The following WWC2 variants were observed in gnomAD, a reference collection of about 807,000 sequenced individuals.
WWC2 encodes WW and C2 domain containing 2.
Under a neutral mutation model 138.5 loss-of-function variants are expected in WWC2, and 101 were observed. The ratio of observed to expected loss-of-function variants is 0.73; its 90% confidence interval spans 0.62 to 0.86. The LOEUF is 0.86. Ranked by LOEUF, WWC2 falls within the 40% of genes least tolerant of loss-of-function variation. WWC2 has a pLI of 0.00. For synonymous variants in WWC2, 558 were observed against 538.4 expected (o/e 1.04, Z -0.50); for missense variants, 1,420 against 1,419.4 (o/e 1.00, Z -0.01).
At position 183,260,967 on chromosome 4, in the gene WWC2, G is replaced by A. The variant is rs976929394; in HGVS notation, c.1344G>A (p.Ser448=). Reference sequence around the variant, plus strand: ...GGAGCAGCCTGGGTTCCCTGGCATCGAGTCGGGGCTCTCTGAACACCTCCA... The same window carrying A: ...GGAGCAGCCTGGGTTCCCTGGCATCAAGTCGGGGCTCTCTGAACACCTCCA... ...SSGSSLGSLA[S]SRGSLNTSSR... Residue 448 remains serine, a synonymous_variant, in exon 11 of 23, where the codon TCG becomes TCA. Transcript: ENST00000403733. 2.5e-6 allele frequency: 4 copies of A among 1,613,902 alleles called. No homozygotes were observed. Among genetic ancestry groups the A allele is most frequent in the African/African-American group, 1.3e-5 (1 of 75,048 alleles).
In WWC2 at chr4:183,316,567, G is replaced by A. The variant is rs2041457006; in HGVS notation, c.*838G>A. ...AAAAGTGAGTTTCTGGCTTGCACTA[G>A]TGTTTTGCCCTAAATCTAAGGATGG... On this transcript the variant is annotated 3_prime_UTR_variant, in exon 23 of 23. Coordinates refer to ENST00000403733, the MANE Select transcript of WWC2 (RefSeq NM_024949.6). 6.6e-6 allele frequency: 1 copy of A among 152,224 alleles called. No homozygotes were observed. 9.4% of individuals were successfully genotyped at this position (152,224 alleles called of 1,614,324 possible).
chr4:183,161,653 T>C (rs1044943199), intron 1 of WWC2, among the ~76,000 whole-genome samples: 5 of 152,198 alleles, frequency 3.3e-5, no homozygotes, highest in African/African-American at 7.2e-5. Flanking sequence ...ACCTTTTCTA[T>C]GTTTAGCTAC....
At chr4:183,189,835 G>A (rs1263721264) in intron 1 of WWC2, among the ~76,000 whole-genome samples, 2 of 152,080 alleles carry the variant, frequency 1.3e-5, no homozygotes, top group African/African-American at 2.4e-5. Context: ...ACAAACTCAG[G>A]TTTTTTTGGA....
rs1478993668 is a variant in WWC2, at chr4:183,319,564, T to A, written c.*3835T>A. On this transcript the variant is annotated 3_prime_UTR_variant, in exon 23 of 23. Coordinates refer to ENST00000403733, the MANE Select transcript of WWC2 (RefSeq NM_024949.6). The stretch of plus-strand genomic sequence containing the variant: ...CGCTTGTCCTTTCTGGCTTAGTGTT[T>A]CAGGTTGGTGTTTCTCGTCTCCAGT... 1 of 1,609,938 alleles carries A rather than the reference T, an allele frequency of 6.2e-7. No individual in the cohort carries two copies. The highest frequency in any genetic ancestry group is 2.2e-5 in the East Asian group (1 of 44,870).
At position 183,297,835 on chromosome 4, in the gene WWC2, G is replaced by C. The variant is rs151315979; in HGVS notation, c.3384+8200G>C. 3.0e-3 allele frequency among the ~76,000 whole-genome samples: 452 copies of C among 152,336 alleles called. 1 individual carries two copies. Among genetic ancestry groups the C allele is most frequent in the Non-Finnish European group, 4.3e-3 (295 of 68,028 alleles). On this transcript the variant is annotated intron_variant, in intron 21 of 22. Coordinates refer to ENST00000403733, the MANE Select transcript of WWC2 (RefSeq NM_024949.6). The stretch of plus-strand genomic sequence containing the variant: ...TGCTCCCTTGGGACCAGCACCCAAA[G>C]GCCATGCTAACCACATCTCACAGTC...
At chr4:183,175,715 A>G (rs1424463920) in intron 1 of WWC2, among the ~76,000 whole-genome samples, 2 of 152,192 alleles carry the variant, frequency 1.3e-5, no homozygotes, top group African/African-American at 2.4e-5. Context: ...TTAATCTTGA[A>G]CAGAGCTAGC....
intron 1 of WWC2, among the ~76,000 whole-genome samples, chr4:183,178,377 C>CAAATAAATAAATAAAT (rs10690640): frequency 3.3e-4 from 44 of 134,602 alleles, no homozygotes; most frequent in East Asian, 8.8e-4. Context: ...CCTGTTTCTA[C>CAAATAAATAAATAAAT]AAATAAATAA....
chr4:183,148,728 A>G (rs1379030922), intron 1 of WWC2, among the ~76,000 whole-genome samples: 3 of 152,186 alleles, frequency 2.0e-5, no homozygotes, highest in African/African-American at 4.8e-5. Context: ...TCCTTGCAGC[A>G]AGGACTTTCC....
At chr4:183,240,411 A>T in intron 5 of WWC2, 149 bp downstream of exon 5, 1 of 540,312 alleles carries the variant, frequency 1.9e-6, no homozygotes. Flanking sequence ...AAAATAAAGC[A>T]ATCAACCAAC....
intron 4 of WWC2, among the ~76,000 whole-genome samples, chr4:183,232,553 C>G (rs1025953661): frequency 1.3e-5 from 2 of 152,156 alleles, no homozygotes; most frequent in African/African-American, 2.4e-5. Flanking sequence ...TGGCTTCTTT[C>G]ACTTGGCATG....
At chr4:183,282,649 T>G in intron 17 of WWC2, 59 bp from the exon 18 acceptor site, 1 of 1,485,426 alleles carries the variant, frequency 6.7e-7, no homozygotes, top group Non-Finnish European at 9.2e-7. Flanking sequence ...CATGCCCAGG[T>G]TGCGTGTTCA....
At chr4:183,171,705 C>A (rs4351062) in intron 1 of WWC2, among the ~76,000 whole-genome samples, 29,346 of 152,158 alleles carry the variant, frequency 0.19, 2,982 homozygotes, top group East Asian at 0.27. Context: ...TACTCTCCCC[C>A]ACACTTGATT....
intron 4 of WWC2, among the ~76,000 whole-genome samples, chr4:183,211,886 A>G (rs1417775047): frequency 2.0e-5 from 3 of 150,068 alleles, no homozygotes; most frequent in Non-Finnish European, 4.4e-5. Context: ...CAGTGGCGCT[A>G]TCTCAGCTCA....
chr4:183,193,604 C>T lies in WWC2; in HGVS notation c.137C>T (p.Thr46Met), dbSNP rs781298331. ...TCAATTCTGGTTTGTTGTAGGTTAACGAAGCCCTTGTCATTTGCTGATTGT... is the reference window on the plus strand; with the variant it reads ...TCAATTCTGGTTTGTTGTAGGTTAATGAAGCCCTTGTCATTTGCTGATTGT... ...TSWIDPRDRL[T>M]KPLSFADCVG... is the part of the protein sequence containing the mutation. The change falls in exon 2 of 23, where the codon ACG (threonine) becomes ATG (methionine). Residue 46 changes from threonine (T) to methionine (M), a missense_variant. By Grantham distance (81) the Thr-to-Met change is moderately conservative. Coordinates refer to ENST00000403733, the MANE Select transcript of WWC2 (RefSeq NM_024949.6). 1.5e-5 allele frequency: 25 copies of T among 1,613,646 alleles called. No homozygotes were observed. Among genetic ancestry groups the T allele is most frequent in the Admixed American group, 5.0e-5 (3 of 59,996 alleles).
At chr4:183,127,205 C>T (rs968269023) in intron 1 of WWC2, among the ~76,000 whole-genome samples, 4 of 151,970 alleles carry the variant, frequency 2.6e-5, no homozygotes, top group Non-Finnish European at 5.9e-5. Context: ...TAAAATTATT[C>T]CTTAAGGAAA....
intron 1 of WWC2, among the ~76,000 whole-genome samples, chr4:183,170,818 G>T (rs540131026): frequency 4.7e-5 from 7 of 149,742 alleles, no homozygotes; most frequent in African/African-American, 1.7e-4. Context: ...TCAGCCTCCT[G>T]AGTAGCTGGG....
At chr4:183,269,212 G>C (rs1222631629) in intron 15 of WWC2, 49 bp downstream of exon 15, 1 of 1,555,014 alleles carries the variant, frequency 6.4e-7, no homozygotes, top group East Asian at 2.2e-5. Context: ...AGATTGGGTG[G>C]TCTGAGGATA....
At chr4:183,279,702 T>C (rs1418788947) in intron 16 of WWC2, among the ~76,000 whole-genome samples, 2 of 152,090 alleles carry the variant, frequency 1.3e-5, no homozygotes, top group South Asian at 4.1e-4. Flanking sequence ...GGTTTAGTCT[T>C]GGGAGAGTGT....
chr4:183,253,907 A>G lies in WWC2; in HGVS notation c.1104A>G (p.Gln368=). The change falls in exon 9 of 23, where the codon CAA becomes CAG. Residue 368 remains glutamine, a synonymous_variant. Coordinates refer to ENST00000403733, the MANE Select transcript of WWC2 (RefSeq NM_024949.6). ...LQFVTPQKRT[Q]DELERLEAER... ...TCGTCACCCCACAGAAACGTACCCA[A>G]GATGAATTAGAACGCCTAGAAGCTG... The G allele has an allele frequency of 1.9e-6, 3 of 1,613,920 alleles. No homozygotes were observed. Among genetic ancestry groups the G allele is most frequent in the Non-Finnish European group, 8.5e-7 (1 of 1,179,854 alleles).
Sources: gnomAD v4.1 joint callset for allele counts (sites outside exome capture counted in the v4.1 genomes callset) on GRCh38, gnomAD v4.1.1 for gene constraint, MANE v1.5 for transcripts, NCBI Gene and HGNC (gene_info 2026-07-23, HGNC 2026-07-21) for gene names.